FNBP1: variants seen among roughly 807,000 people sequenced by gnomAD.
FNBP1 encodes the protein formin-binding protein 1.
In FNBP1, 26 loss-of-function variants were observed where a neutral mutation model predicts 90.6. The ratio of observed to expected loss-of-function variants is 0.29; its 90% CI spans 0.21 to 0.40. The LOEUF (loss-of-function observed/expected upper bound fraction) is 0.40. Among genes scored for constraint, FNBP1 ranks in the 10% least tolerant of loss-of-function variants. The probability of loss-of-function intolerance (pLI) is 1.00; values close to 1 mark genes in which losing one functional copy is unlikely to be tolerated. For missense variants in FNBP1, 635 were observed against 768.0 expected (o/e 0.83, Z 2.05); for synonymous variants, 260 against 265.2 (o/e 0.98, Z 0.19).
In FNBP1 at chr9:130,041,605, T is replaced by C. The variant is rs549347158; in HGVS notation, c.24+1347A>G. ...ACTATTTTATTTTCAAAATGGATAC[T>C]TGTAAACATCAGCGGAAATTTTGTC... On this transcript the variant is annotated intron_variant, in intron 1 of 16. Coordinates refer to ENST00000446176, the MANE Select transcript of FNBP1 (RefSeq NM_015033.3). This position sits in a 1 kb window ranked among gnomAD's most constrained non-coding sequence, Gnocchi z 4.3. Among the ~76,000 whole-genome samples the C allele has an allele frequency of 5.9e-5, 9 of 152,254 alleles. No homozygotes were observed. Among genetic ancestry groups the C allele is most frequent in the Non-Finnish European group, 1.0e-4 (7 of 68,048 alleles).
chr9:129,996,068 A>G (rs2417202), intron 1 of FNBP1, among the ~76,000 whole-genome samples: 19,171 of 152,078 alleles, frequency 0.13, 2,223 homozygotes, highest in East Asian at 0.64. Context: ...TTCCAGAGTG[A>G]CTTTCAGGTT....
chr9:129,898,895 A>G (rs2036318751), intron 15 of FNBP1, among the ~76,000 whole-genome samples: 1 of 152,004 alleles, frequency 6.6e-6, no homozygotes, highest in Non-Finnish European at 1.5e-5. Context: ...GGAGCGCTAT[A>G]GATACTAGAT....
intron 12 of FNBP1, 24 bp from the exon 13 acceptor site, chr9:129,903,025 G>A (rs370307610): frequency 2.6e-6 from 4 of 1,551,424 alleles, no homozygotes; most frequent in African/African-American, 2.7e-5. Context: ...CGAGTAGAAT[G>A]CTGTAAAGGT....
At chr9:130,011,167 G>A (rs376922841) in intron 1 of FNBP1, among the ~76,000 whole-genome samples, 2 of 125,558 alleles carry the variant, frequency 1.6e-5, no homozygotes, top group African/African-American at 6.2e-5. Context: ...AGTGAGCTGA[G>A]ATGGTGCCAT....
At chr9:129,979,224 G>T in intron 3 of FNBP1, 94 bp downstream of exon 3, 1 of 696,572 alleles carries the variant, frequency 1.4e-6, no homozygotes, top group Non-Finnish European at 2.4e-6. Flanking sequence ...AATGGGAAAT[G>T]CAACTTATTT....
At chr9:129,905,638 G>A (rs763047644) in intron 12 of FNBP1, among the ~76,000 whole-genome samples, 6 of 151,116 alleles carry the variant, frequency 4.0e-5, no homozygotes, top group Non-Finnish European at 5.9e-5. Flanking sequence ...TTAATTTGCT[G>A]TTCTTTTTCC....
rs547325287 is a variant in FNBP1 at position 130,013,301 on chromosome 9, A to G, written c.25-18343T>C. On this transcript the variant is annotated intron_variant, in intron 1 of 16. Transcript: ENST00000446176. Reference sequence around the variant, plus strand: ...GGCTCCAACTGTTCTAAAAAGAGTCAAATAACTTAACAGGAAAAGGGGCAA... The same window carrying G: ...GGCTCCAACTGTTCTAAAAAGAGTCGAATAACTTAACAGGAAAAGGGGCAA... Among the ~76,000 whole-genome samples, 3 of 152,302 alleles carry G rather than the reference A, an allele frequency of 2.0e-5. No homozygotes were observed. In the East Asian group the frequency reaches 5.8e-4, roughly 29 times the overall value.
intron 6 of FNBP1, among the ~76,000 whole-genome samples, chr9:129,944,002 A>AAAAAAAAC (rs1168058236): frequency 6.7e-6 from 1 of 150,082 alleles, no homozygotes; most frequent in African/African-American, 2.4e-5. Context: ...CAAAAAAAAA[A>AAAAAAAAC]AAAAAAACCT....
At chr9:129,946,331 G>C (rs1055345420) in intron 6 of FNBP1, among the ~76,000 whole-genome samples, 2 of 152,066 alleles carry the variant, frequency 1.3e-5, no homozygotes, top group Non-Finnish European at 2.9e-5. Context: ...CAAATACTTC[G>C]AGAAGTCTGT....
rs539779602 is a variant in FNBP1 at position 129,928,776 on chromosome 9, T to C, written c.642+791A>G. ...TTAATCTTGAGATTATTATATTTCA[T>C]TCATATTGCTAGTCAATGCTTGATC... On this transcript the variant is annotated intron_variant, in intron 7 of 16. Transcript: ENST00000446176. 3.3e-5 allele frequency among the ~76,000 whole-genome samples: 5 copies of C among 152,236 alleles called. No homozygotes were observed. The South Asian group carries it at 1.0e-3, about 32-fold the overall frequency.
chr9:129,993,159 G>A (rs1274540391), intron 2 of FNBP1, among the ~76,000 whole-genome samples: 5 of 150,026 alleles, frequency 3.3e-5, no homozygotes, highest in East Asian at 2.0e-4. Flanking sequence ...CCTGGGAGGC[G>A]GAGATTGCAG....
chr9:129,939,598 G>A (rs145742549), intron 6 of FNBP1, among the ~76,000 whole-genome samples: 125 of 152,270 alleles, frequency 8.2e-4, no homozygotes, highest in African/African-American at 2.8e-3. Flanking sequence ...TGGGGGAAGA[G>A]TGTCTTCTAA....
intron 10 of FNBP1, among the ~76,000 whole-genome samples, chr9:129,920,697 A>G (rs1228617663): frequency 6.6e-6 from 1 of 152,228 alleles, no homozygotes; most frequent in Non-Finnish European, 1.5e-5. Context: ...ACAGATTCAC[A>G]AACCATTTTT....
At chr9:130,015,498 C>T (rs2057135074) in intron 1 of FNBP1, among the ~76,000 whole-genome samples, 1 of 152,124 alleles carries the variant, frequency 6.6e-6, no homozygotes, top group African/African-American at 2.4e-5. Context: ...GGCTAAAAAT[C>T]CAGCCTCGAC....
chr9:129,972,178 G>A (rs1289446523), intron 4 of FNBP1, among the ~76,000 whole-genome samples: 2 of 152,128 alleles, frequency 1.3e-5, no homozygotes, highest in Admixed American at 6.6e-5. Flanking sequence ...CGGTCGCCCA[G>A]GCTAGAGTGC....
At chr9:130,037,925 G>T (rs531759595) in intron 1 of FNBP1, among the ~76,000 whole-genome samples, 11 of 152,134 alleles carry the variant, frequency 7.2e-5, no homozygotes, top group Non-Finnish European at 1.3e-4. Context: ...GTCAGGCATT[G>T]TTCCCAGTAC....
intron 1 of FNBP1, among the ~76,000 whole-genome samples, chr9:130,016,973 G>C (rs1451447122): frequency 6.6e-6 from 1 of 152,102 alleles, no homozygotes; most frequent in Non-Finnish European, 1.5e-5. Context: ...TGGCAGAGCA[G>C]GGTGGCTCAT....
chr9:129,963,026 G>C (rs1243051412), intron 4 of FNBP1, among the ~76,000 whole-genome samples: 1 of 152,136 alleles, frequency 6.6e-6, no homozygotes, highest in Non-Finnish European at 1.5e-5. Flanking sequence ...TCCTAAGCCG[G>C]AGCACCGAGT....
rs1190161938 is a variant in FNBP1 at position 130,033,900 on chromosome 9, C to T, written c.24+9052G>A. Among the ~76,000 whole-genome samples, 3 of 150,446 alleles carry T rather than the reference C, an allele frequency of 2.0e-5. No individual in the cohort carries two copies. In the East Asian group the frequency reaches 5.8e-4, roughly 29 times the overall value. On this transcript the variant is annotated intron_variant, in intron 1 of 16. Transcript: ENST00000446176. ...TCATGGTGGCGGGTGCCTGTAGTCC[C>T]AGCTACTCGGGAGGCTGAGGCAGGA...
Sources: allele counts gnomAD v4.1 joint callset (sites outside exome capture counted in the v4.1 genomes callset), GRCh38; gene constraint gnomAD v4.1.1; non-coding constraint Gnocchi (gnomAD v3.1); transcripts MANE v1.5; gene names NCBI Gene and HGNC (gene_info 2026-07-23, HGNC 2026-07-21).